Variants in CUL1 observed in about 807,000 individuals in gnomAD.
CUL1 encodes the protein cullin-1.
Under a neutral mutation model 118.0 loss-of-function variants are expected in CUL1, and 24 were observed. The ratio of observed to expected loss-of-function variants is 0.20; its 90% CI spans 0.15 to 0.29. CUL1 has a LOEUF of 0.29. Among genes scored for constraint, CUL1 ranks in the 10% least tolerant of loss-of-function variants. The probability of loss-of-function intolerance (pLI) is 1.00; values close to 1 mark genes in which losing one functional copy is unlikely to be tolerated. For missense variants in CUL1, 361 were observed against 933.8 expected, an observed-to-expected ratio of 0.39 and a Z score of 7.99; for synonymous variants, 332 against 340.4, an observed-to-expected ratio of 0.98 and a Z score of 0.27.
chr7:148,772,832 G>T (rs1800260316), intron 9 of CUL1, among the ~76,000 whole-genome samples: 2 of 151,852 alleles, frequency 1.3e-5, no homozygotes, highest in Admixed American at 6.6e-5. Flanking sequence ...TTTCCTGCAG[G>T]GTCTGGACGT....
chr7:148,733,050 G>A (rs927775253), intron 2 of CUL1, among the ~76,000 whole-genome samples: 1 of 152,140 alleles, frequency 6.6e-6, no homozygotes, highest in Non-Finnish European at 1.5e-5. Flanking sequence ...ACCTTTCTCT[G>A]TGGATAAGCT....
intron 9 of CUL1, chr7:148,783,412 GC>G: frequency 4.1e-6 from 4 of 985,444 alleles, no homozygotes; most frequent in Non-Finnish European, 4.8e-6. Flanking sequence ...GCGGCTAAAC[GC>G]CTTCTCCAGC....
intron 1 of CUL1, among the ~76,000 whole-genome samples, chr7:148,724,145 A>G (rs549738011): frequency 1.6e-4 from 25 of 152,276 alleles, no homozygotes; most frequent in Non-Finnish European, 8.8e-5. Context: ...AAGAAGATAT[A>G]TTTTTCAGGA....
intron 9 of CUL1, among the ~76,000 whole-genome samples, chr7:148,781,079 ATTTTTTTT>A (rs1197920664): frequency 2.1e-5 from 2 of 93,732 alleles, no homozygotes; most frequent in Non-Finnish European, 3.8e-5. Context: ...TCAAGGCCAG[ATTTTTTTT>A]TTTTTTTTTT....
chr7:148,711,364 A>C (rs1798044090), intron 1 of CUL1, among the ~76,000 whole-genome samples: 1 of 152,216 alleles, frequency 6.6e-6, no homozygotes, highest in Admixed American at 6.5e-5. Context: ...GTGGAACCAC[A>C]GGTGCGGTGG....
intron 2 of CUL1, among the ~76,000 whole-genome samples, chr7:148,736,640 T>A (rs1211742160): frequency 6.6e-6 from 1 of 152,192 alleles, no homozygotes; most frequent in Non-Finnish European, 1.5e-5. Context: ...GGCCCAGCAA[T>A]TTATTTTTTA....
intron 2 of CUL1, among the ~76,000 whole-genome samples, chr7:148,744,397 AGTGTGTGTGTGTGTGTGTGTGTGTGT>A (rs56093418): frequency 6.9e-6 from 1 of 143,970 alleles, no homozygotes; most frequent in Admixed American, 6.9e-5. Context: ...TTGTTTCTGC[AGTGTGTGTGTGTGTGTGTGTGTGTGT>A]GTGTGTGTGT....
In CUL1 at chr7:148,760,386, G is replaced by C; in HGVS notation, c.679G>C (p.Val227Leu). ...ATTTGCAAAGGGCCCTACGTTAACA[G>C]TGTATAAAGAATCCTTTGAATCTCA... ...DAFAKGPTLT[V>L]YKESFESQFL... The change falls in exon 7 of 22, where the codon GTG (valine) becomes CTG (leucine). Residue 227 changes from valine (V) to leucine (L), a missense_variant. Coordinates refer to ENST00000325222, the MANE Select transcript of CUL1 (RefSeq NM_003592.3). The C allele has an allele frequency of 6.2e-7, 1 of 1,613,566 alleles. No homozygotes were observed. The highest frequency in any genetic ancestry group is 8.5e-7 in the Non-Finnish European group (1 of 1,179,726).
At chr7:148,793,577 C>T (rs1801088734) in intron 17 of CUL1, among the ~76,000 whole-genome samples, 1 of 152,210 alleles carries the variant, frequency 6.6e-6, no homozygotes, top group Non-Finnish European at 1.5e-5. Flanking sequence ...TTCTTTCCCT[C>T]AGTGTATACT....
intron 1 of CUL1, among the ~76,000 whole-genome samples, chr7:148,700,162 T>C (rs1797674892): frequency 6.6e-6 from 1 of 152,212 alleles, no homozygotes; most frequent in Non-Finnish European, 1.5e-5. Context: ...TGCAGTCTAC[T>C]TAAATATTTG....
rs1018527774 is a variant in CUL1 at position 148,766,792 on chromosome 7, T to C, written c.952+69T>C. 3.0e-6 allele frequency: 4 copies of C among 1,351,986 alleles called. No individual in the cohort carries two copies. In the African/African-American group the frequency reaches 4.4e-5, roughly 15 times the overall value. 83.7% of individuals were successfully genotyped at this position (1,351,986 alleles called of 1,614,324 possible). ...GTAGTTTTGATATTGCTTTTGATTC[T>C]AGACTCTCGAGTCAACGGCATTACT... is the stretch of plus-strand genomic sequence containing the variant. On this transcript the variant is annotated intron_variant, in intron 8 of 21. Coordinates refer to ENST00000325222, the MANE Select transcript of CUL1 (RefSeq NM_003592.3).
chr7:148,793,280 C>G (rs1289571330), intron 17 of CUL1, among the ~76,000 whole-genome samples: 1 of 152,098 alleles, frequency 6.6e-6, no homozygotes. Flanking sequence ...ATTTTTCCTG[C>G]TAGCCATATT....
intron 11 of CUL1, among the ~76,000 whole-genome samples, chr7:148,784,584 G>GT (rs1200869333): frequency 6.6e-6 from 1 of 152,070 alleles, no homozygotes; most frequent in Non-Finnish European, 1.5e-5. Context: ...TTCTCATTGA[G>GT]TTTTTTGTTT....
At chr7:148,715,926 T>G (rs1563148171) in intron 1 of CUL1, among the ~76,000 whole-genome samples, 1 of 152,252 alleles carries the variant, frequency 6.6e-6, no homozygotes, top group Non-Finnish European at 1.5e-5. Flanking sequence ...AGTATGAGAA[T>G]TTTTAAACTG....
chr7:148,742,589 C>G (rs1799178662), intron 2 of CUL1, among the ~76,000 whole-genome samples: 1 of 130,064 alleles, frequency 7.7e-6, no homozygotes, highest in South Asian at 2.7e-4. Flanking sequence ...AATCTTTCTA[C>G]CTTTTCTGGT....
At chr7:148,738,124 T>A (rs779972050) in intron 2 of CUL1, among the ~76,000 whole-genome samples, 2 of 152,174 alleles carry the variant, frequency 1.3e-5, no homozygotes, top group Non-Finnish European at 2.9e-5. Flanking sequence ...AAGAATTGAT[T>A]CCCCAGGTGT....
chr7:148,709,052 G>A (rs1418577232), intron 1 of CUL1, among the ~76,000 whole-genome samples: 1 of 152,218 alleles, frequency 6.6e-6, no homozygotes, highest in Non-Finnish European at 1.5e-5. Flanking sequence ...GTAAACATAG[G>A]TGAGCGTGTA....
At chr7:148,753,863 G>A (rs754107706) in intron 2 of CUL1, 113 bp from the exon 3 acceptor site, 7 of 759,980 alleles carry the variant, frequency 9.2e-6, no homozygotes, top group Non-Finnish European at 1.4e-5. Context: ...GTTTTTAACA[G>A]GTTTTGGTTG....
At chr7:148,755,980 T>C (rs549862140) in intron 3 of CUL1, among the ~76,000 whole-genome samples, 2 of 152,222 alleles carry the variant, frequency 1.3e-5, no homozygotes, top group Non-Finnish European at 2.9e-5. Context: ...TCTTTCGTGC[T>C]TCTCTGCTGC....
Sources: allele counts gnomAD v4.1 joint callset (sites outside exome capture counted in the v4.1 genomes callset), GRCh38; gene constraint gnomAD v4.1.1; transcripts MANE v1.5; gene names NCBI Gene and HGNC (gene_info 2026-07-23, HGNC 2026-07-21).